The following ANKRD6 variants were observed in gnomAD, a reference collection of about 807,000 sequenced individuals.
ANKRD6 encodes ankyrin repeat domain-containing protein 6.
Under a neutral mutation model 82.3 loss-of-function variants are expected in ANKRD6, and 56 were observed. The ratio of observed to expected loss-of-function variants is 0.68; its 90% CI spans 0.55 to 0.85. The LOEUF is 0.85. Ranked by LOEUF, ANKRD6 falls within the 40% of genes least tolerant of loss-of-function variation. ANKRD6 has a pLI of 0.00. For missense variants in ANKRD6, 852 were observed against 907.6 expected, an observed-to-expected ratio of 0.94 and a Z score of 0.79; for synonymous variants, 347 against 352.1, an observed-to-expected ratio of 0.99 and a Z score of 0.16.
At chr6:89,454,068 G>A (rs1018664410) in intron 1 of ANKRD6, among the ~76,000 whole-genome samples, 3 of 152,164 alleles carry the variant, frequency 2.0e-5, no homozygotes, top group Non-Finnish European at 2.9e-5. Context: ...CTCCCAAAGT[G>A]CTGGGATTAC....
chr6:89,523,282 C>A (rs1344944241), intron 1 of ANKRD6, among the ~76,000 whole-genome samples: 1 of 152,182 alleles, frequency 6.6e-6, no homozygotes, highest in Non-Finnish European at 1.5e-5. Context: ...TGGCTACCTT[C>A]ATGGGAAAGG....
chr6:89,545,445 T>C (rs961713408), intron 1 of ANKRD6, among the ~76,000 whole-genome samples: 1 of 152,180 alleles, frequency 6.6e-6, no homozygotes, highest in African/African-American at 2.4e-5. Flanking sequence ...TGAGGTGCTA[T>C]GTAGCTCTAC....
intron 14 of ANKRD6, chr6:89,628,741 G>A (rs1806550928): frequency 3.8e-6 from 1 of 264,936 alleles, no homozygotes; most frequent in Non-Finnish European, 7.3e-6. Context: ...CTGCACTCCA[G>A]CCTGGGCGAC....
In ANKRD6 at chr6:89,598,181, C is replaced by T. The variant is rs1275405868; in HGVS notation, c.219+2167C>T. On this transcript the variant is annotated intron_variant, in intron 3 of 15. Transcript: ENST00000339746. Reference sequence around the variant, plus strand: ...GAGTGGGATTATTATGAATTTCAACCTGTGGAAACCAGTTCTTTAGATTAT... The same window carrying T: ...GAGTGGGATTATTATGAATTTCAACTTGTGGAAACCAGTTCTTTAGATTAT... 3 of 985,206 alleles carry T rather than the reference C, an allele frequency of 3.0e-6. No homozygotes were observed. The African/African-American group carries it at 5.2e-5, about 17-fold the overall frequency. The allele number at this position is 985,206 out of a possible 1,614,324, so 61.0% of individuals were successfully genotyped here.
intron 3 of ANKRD6, among the ~76,000 whole-genome samples, chr6:89,596,672 C>T (rs184006200): frequency 3.9e-5 from 6 of 152,262 alleles, no homozygotes; most frequent in African/African-American, 7.2e-5. Context: ...GCTCCTCTGG[C>T]ATCAAGTGGC....
chr6:89,618,217 C>T (rs1416314568), intron 9 of ANKRD6, 186 bp downstream of exon 9: 8 of 723,666 alleles, frequency 1.1e-5, no homozygotes, highest in Middle Eastern at 2.5e-4. Flanking sequence ...TCCAGCTCTT[C>T]GTGTTCATGC....
rs138554786 is a variant in ANKRD6 at position 89,621,001 on chromosome 6, G to A, written c.793-921G>A. 3.4e-3 allele frequency among the ~76,000 whole-genome samples: 511 copies of A among 152,138 alleles called. 2 individuals are homozygous for A. Among genetic ancestry groups the A allele is most frequent in the African/African-American group, 0.012 (492 of 41,478 alleles). ...GGAGAATGGCGTGAACCCGGGAGGC[G>A]GAGCTTGCAGTGAGCCGAGATCACG... On this transcript the variant is annotated intron_variant, in intron 9 of 15. Transcript: ENST00000339746.
At chr6:89,484,697 T>C (rs529947900) in intron 1 of ANKRD6, among the ~76,000 whole-genome samples, 1 of 152,290 alleles carries the variant, frequency 6.6e-6, no homozygotes, top group South Asian at 2.1e-4. Context: ...ATTACAGTAA[T>C]AGAATTATGT....
At chr6:89,612,231 A>G (rs144577628) in intron 5 of ANKRD6, 41 bp from the exon 6 acceptor site, 3 of 1,526,496 alleles carry the variant, frequency 2.0e-6, no homozygotes, top group Non-Finnish European at 2.7e-6. Context: ...GTGCGGAAGC[A>G]TGTTGCTAAT....
At chr6:89,434,294 C>G (rs1055266337) in intron 1 of ANKRD6, among the ~76,000 whole-genome samples, 1 of 152,190 alleles carries the variant, frequency 6.6e-6, no homozygotes, top group Non-Finnish European at 1.5e-5. Context: ...GCATTGTACT[C>G]TTGTGTGTTA....
intron 1 of ANKRD6, chr6:89,504,852 T>C (rs1217858524): frequency 6.6e-6 from 1 of 152,254 alleles, no homozygotes; most frequent in Non-Finnish European, 1.5e-5. Flanking sequence ...TCTAAATCAC[T>C]GTGCACCCAC....
chr6:89,603,650 A>G (rs1797794978), intron 4 of ANKRD6, among the ~76,000 whole-genome samples: 1 of 152,132 alleles, frequency 6.6e-6, no homozygotes, highest in African/African-American at 2.4e-5. Context: ...TAGATAAGTG[A>G]GCAAGTTAAT....
At chr6:89,528,993 GC>G (rs1782834779) in intron 1 of ANKRD6, among the ~76,000 whole-genome samples, 1 of 152,188 alleles carries the variant, frequency 6.6e-6, no homozygotes, top group Non-Finnish European at 1.5e-5. Flanking sequence ...TAGAGTACAG[GC>G]AGAGTAGAAT....
In ANKRD6 at chr6:89,630,371, C is replaced by T. The variant is rs185905494; in HGVS notation, c.1613-62C>T. ...TCCTTAAGACTCTAAAATACTGACC[C>T]GCAGCCATATGACTGTGTGAATGTG... On this transcript the variant is annotated intron_variant, in intron 15 of 15. Transcript: ENST00000339746. 94 of 1,542,950 alleles carry T rather than the reference C, an allele frequency of 6.1e-5. 1 individual carries two copies. In the Admixed American group the frequency reaches 8.4e-4, roughly 14 times the overall value.
chr6:89,470,631 A>G (rs565535213), intron 1 of ANKRD6, among the ~76,000 whole-genome samples: 104 of 151,640 alleles, frequency 6.9e-4, no homozygotes, highest in Non-Finnish European at 1.0e-3. Context: ...TAATAATAAT[A>G]ATGATGATGA....
At chr6:89,447,761 T>A (rs1772278546) in intron 1 of ANKRD6, among the ~76,000 whole-genome samples, 1 of 152,120 alleles carries the variant, frequency 6.6e-6, no homozygotes, top group South Asian at 2.1e-4. Context: ...TGATGTCGGG[T>A]CACTGCAACC....
rs1798735802 is a variant in ANKRD6, at chr6:89,606,847, A to C, written c.417+742A>C. On this transcript the variant is annotated intron_variant, in intron 5 of 15. Coordinates refer to ENST00000339746, the MANE Select transcript of ANKRD6 (RefSeq NM_001242809.2). ...CTCCAGCCTGGGCACAGAGTGAGAGACTGTCGTGGGGGCAGGTGGGGGCGG... is the reference window on the plus strand; with the variant it reads ...CTCCAGCCTGGGCACAGAGTGAGAGCCTGTCGTGGGGGCAGGTGGGGGCGG... Among the ~76,000 whole-genome samples, 3 of 131,884 alleles carry C rather than the reference A, an allele frequency of 2.3e-5. No individual in the cohort carries two copies. In the South Asian group the frequency reaches 8.4e-4, roughly 37 times the overall value. 86.5% of individuals were successfully genotyped at this position (131,884 alleles called of 152,430 possible). A position where few individuals can be genotyped will look rare whatever the true frequency, so the allele number is the denominator to read the frequency against.
At chr6:89,530,650 C>T (rs1010226017) in intron 1 of ANKRD6, among the ~76,000 whole-genome samples, 2 of 152,172 alleles carry the variant, frequency 1.3e-5, no homozygotes, top group African/African-American at 2.4e-5. Flanking sequence ...TGGCCACTCA[C>T]AGTGCTTTAT....
At chr6:89,540,094 A>G (rs1784295098) in intron 1 of ANKRD6, among the ~76,000 whole-genome samples, 1 of 152,174 alleles carries the variant, frequency 6.6e-6, no homozygotes. Flanking sequence ...CAACAAGCAT[A>G]GGAGTTCAGA....
Sources: allele counts gnomAD v4.1 joint callset (sites outside exome capture counted in the v4.1 genomes callset), GRCh38; gene constraint gnomAD v4.1.1; transcripts MANE v1.5; gene names NCBI Gene and HGNC (gene_info 2026-07-23, HGNC 2026-07-21).